Variants in CDH13 observed in about 807,000 individuals in gnomAD.
The protein encoded by CDH13 is cadherin-13.
In CDH13, 24 loss-of-function variants were observed where a neutral mutation model predicts 63.8. The observed-to-expected ratio is 0.38, with a 90% CI of 0.27 to 0.53. The LOEUF (loss-of-function observed/expected upper bound fraction) is 0.53, where lower values mean the gene tolerates loss of function less well. CDH13 is among the 20% of genes least tolerant of loss of function. The probability of loss-of-function intolerance (pLI) is 0.85; values close to 1 mark genes in which losing one functional copy is unlikely to be tolerated. For missense variants in CDH13, 1,049 were observed against 903.1 expected (o/e 1.16, Z -2.07); for synonymous variants, 503 against 355.3 (o/e 1.42, Z -4.67).
At chr16:83,707,239 C>G (rs962335863) in intron 10 of CDH13, among the ~76,000 whole-genome samples, 3 of 152,266 alleles carry the variant, frequency 2.0e-5, no homozygotes, top group South Asian at 4.1e-4. Flanking sequence ...GTTGGTCTTT[C>G]TAGGTCAGTT....
intron 13 of CDH13, chr16:83,790,237 T>A (rs1916169984): frequency 1.3e-5 from 2 of 152,176 alleles, no homozygotes; most frequent in Non-Finnish European, 2.9e-5. Flanking sequence ...ACATTTCAGT[T>A]TAGTATGACC....
chr16:83,017,412 A>G (rs1349952849), intron 2 of CDH13, among the ~76,000 whole-genome samples: 2 of 152,124 alleles, frequency 1.3e-5, no homozygotes, highest in African/African-American at 2.4e-5. Flanking sequence ...TTTACTTTGG[A>G]TACCATCATT....
At chr16:83,615,253 T>A (rs1909188878) in intron 8 of CDH13, among the ~76,000 whole-genome samples, 1 of 152,154 alleles carries the variant, frequency 6.6e-6, no homozygotes, top group Admixed American at 6.5e-5. Flanking sequence ...TAACATCAGA[T>A]GCACTTGTGT....
chr16:83,209,117 C>T (rs1037266631), intron 4 of CDH13, among the ~76,000 whole-genome samples: 2 of 152,164 alleles, frequency 1.3e-5, no homozygotes, highest in East Asian at 1.9e-4. Flanking sequence ...TTATTGGATG[C>T]TTCCATACAG....
At position 83,194,961 on chromosome 16, in the gene CDH13, T is replaced by C. The variant is rs1463281528; in HGVS notation, c.484-22384T>C. 2.0e-5 allele frequency among the ~76,000 whole-genome samples: 3 copies of C among 152,342 alleles called. No individual in the cohort carries two copies. In the East Asian group the frequency reaches 5.8e-4, roughly 29 times the overall value. On this transcript the variant is annotated intron_variant, in intron 4 of 13. Coordinates refer to ENST00000567109, the MANE Select transcript of CDH13 (RefSeq NM_001257.5). ...TAACACCATGAAATTTTAAAGCGAA[T>C]GGTAATATTTTTTCATATAGGTAAA...
chr16:83,027,386 C>T (rs960202756), intron 2 of CDH13, among the ~76,000 whole-genome samples: 3 of 152,092 alleles, frequency 2.0e-5, no homozygotes, highest in African/African-American at 7.2e-5. Context: ...GAAGAAGTTG[C>T]TTGAGTTGAA....
At chr16:83,413,644 A>T (rs1197663714) in intron 6 of CDH13, among the ~76,000 whole-genome samples, 2 of 152,050 alleles carry the variant, frequency 1.3e-5, no homozygotes, top group Non-Finnish European at 2.9e-5. Context: ...GGCTGTGCCA[A>T]CCCCACTTAT....
At chr16:83,244,723 A>G (rs1267364454) in intron 5 of CDH13, among the ~76,000 whole-genome samples, 3 of 152,170 alleles carry the variant, frequency 2.0e-5, no homozygotes, top group Non-Finnish European at 4.4e-5. Flanking sequence ...ATAGGCAATG[A>G]CCAACAGAAA....
At chr16:82,994,145 C>A (rs1404675223) in intron 2 of CDH13, among the ~76,000 whole-genome samples, 1 of 152,138 alleles carries the variant, frequency 6.6e-6, no homozygotes, top group East Asian at 1.9e-4. Context: ...CCCTTCTCTT[C>A]CCAAACATTT....
At chr16:82,858,656 T>C (rs903200701) in intron 2 of CDH13, 183 bp downstream of exon 2, 15 of 641,664 alleles carry the variant, frequency 2.3e-5, no homozygotes, top group African/African-American at 7.2e-5. Context: ...TAGAGGTTAA[T>C]AGAGTGATAT....
chr16:83,208,501 A>T lies in CDH13; in HGVS notation c.484-8844A>T, dbSNP rs149732102. ...TTTTTTCCTATTTAACGTAGAGTAG[A>T]AAACATCTTCTAAATTAGCATATGC... On this transcript the variant is annotated intron_variant, in intron 4 of 13. Coordinates refer to ENST00000567109, the MANE Select transcript of CDH13 (RefSeq NM_001257.5). 6.1e-3 allele frequency among the ~76,000 whole-genome samples: 931 copies of T among 152,316 alleles called. 11 individuals carry two copies. The highest frequency in any genetic ancestry group is 0.02 in the African/African-American group (829 of 41,570).
At chr16:82,750,496 C>G (rs889975407) in intron 1 of CDH13, among the ~76,000 whole-genome samples, 8 of 152,164 alleles carry the variant, frequency 5.3e-5, no homozygotes, top group African/African-American at 1.7e-4. Flanking sequence ...TTTGCCCATT[C>G]AATTCCAATC....
chr16:83,251,503 C>G (rs1235193653), intron 5 of CDH13, among the ~76,000 whole-genome samples: 1 of 152,142 alleles, frequency 6.6e-6, no homozygotes, highest in Non-Finnish European at 1.5e-5. Context: ...GCTGAGATTC[C>G]CAACCTCAGC....
intron 1 of CDH13, chr16:82,825,858 T>G (rs948941439): frequency 2.0e-5 from 3 of 151,696 alleles, no homozygotes; most frequent in Admixed American, 1.3e-4. Context: ...TAACAATTTT[T>G]TTTTGTTTGT....
chr16:83,602,391 C>G, intron 7 of CDH13, 63 bp from the exon 8 acceptor site: 1 of 1,575,030 alleles, frequency 6.3e-7, no homozygotes, highest in Non-Finnish European at 8.7e-7. Context: ...ACGCCTGCCA[C>G]CTTTCCAAAG....
chr16:83,678,138 G>A (rs2150870260), intron 9 of CDH13, 70 bp from the exon 10 acceptor site: 5 of 1,526,778 alleles, frequency 3.3e-6, no homozygotes, highest in Non-Finnish European at 4.4e-6. Flanking sequence ...GAATTTCAGA[G>A]GAAGTTGATG....
intron 6 of CDH13, among the ~76,000 whole-genome samples, chr16:83,401,195 G>A (rs1013827846): frequency 6.6e-6 from 1 of 152,046 alleles, no homozygotes; most frequent in African/African-American, 2.4e-5. Flanking sequence ...ACAAAAATTG[G>A]TGTGGTGGTG....
At chr16:83,333,238 C>T (rs2090515560) in intron 5 of CDH13, among the ~76,000 whole-genome samples, 1 of 151,844 alleles carries the variant, frequency 6.6e-6, no homozygotes, top group Non-Finnish European at 1.5e-5. Context: ...GCTTGAAATG[C>T]AAGTTGTTGG....
chr16:83,194,578 C>A (rs894709688), intron 4 of CDH13, among the ~76,000 whole-genome samples: 1 of 152,160 alleles, frequency 6.6e-6, no homozygotes, highest in African/African-American at 2.4e-5. Context: ...ATAGCCGAAA[C>A]AATAAGGGAT....
Sources: allele counts gnomAD v4.1 joint callset (sites outside exome capture counted in the v4.1 genomes callset), GRCh38; gene constraint gnomAD v4.1.1; transcripts MANE v1.5; gene names NCBI Gene and HGNC (gene_info 2026-07-23, HGNC 2026-07-21).